The following ARHGAP42 variants were observed in gnomAD, a reference collection of about 807,000 sequenced individuals.
ARHGAP42 encodes Rho GTPase activating protein 42.
Under a neutral mutation model 125.0 loss-of-function variants are expected in ARHGAP42, and 63 were observed. The ratio of observed to expected loss-of-function variants is 0.50; its 90% confidence interval spans 0.41 to 0.62. The LOEUF (loss-of-function observed/expected upper bound fraction) is 0.62. Among genes scored for constraint, ARHGAP42 ranks in the 20% least tolerant of loss-of-function variants. The pLI is 0.00. For synonymous variants in ARHGAP42, 339 were observed against 351.0 expected (o/e 0.97, Z 0.38); for missense variants, 766 against 1,024.2 (o/e 0.75, Z 3.44).
At chr11:100,823,146 T>A (rs1240031255) in intron 3 of ARHGAP42, among the ~76,000 whole-genome samples, 1 of 152,154 alleles carries the variant, frequency 6.6e-6, no homozygotes, top group East Asian at 1.9e-4. Context: ...CTAGGTCAAA[T>A]TAAATTTAGA....
intron 1 of ARHGAP42, among the ~76,000 whole-genome samples, chr11:100,695,813 C>G (rs141342930): frequency 3.9e-5 from 6 of 152,240 alleles, no homozygotes; most frequent in African/African-American, 1.4e-4. Flanking sequence ...CAACCTTTTT[C>G]CTTTTTGCAG....
chr11:100,736,324 C>CG (rs1323214002), intron 1 of ARHGAP42, among the ~76,000 whole-genome samples: 1 of 152,118 alleles, frequency 6.6e-6, no homozygotes, highest in Non-Finnish European at 1.5e-5. Context: ...GGATGCATGC[C>CG]GGGGGCTTCC....
intron 16 of ARHGAP42, 151 bp from the exon 17 acceptor site, chr11:100,965,520 G>T: frequency 1.4e-6 from 1 of 699,242 alleles, no homozygotes; most frequent in Non-Finnish European, 2.4e-6. Context: ...ACTTCTGCAA[G>T]CCATAGGGAA....
At chr11:100,930,315 A>G (rs1295941220) in intron 6 of ARHGAP42, among the ~76,000 whole-genome samples, 1 of 152,200 alleles carries the variant, frequency 6.6e-6, no homozygotes, top group African/African-American at 2.4e-5. Context: ...GGAATTTTGT[A>G]GAGGATGAAA....
intron 3 of ARHGAP42, among the ~76,000 whole-genome samples, chr11:100,853,401 T>G (rs1310383291): frequency 6.6e-6 from 1 of 152,190 alleles, no homozygotes; most frequent in East Asian, 1.9e-4. Flanking sequence ...GTTTCCACAA[T>G]GCTTAAATGT....
At chr11:100,730,556 G>A (rs1293549252) in intron 1 of ARHGAP42, among the ~76,000 whole-genome samples, 2 of 152,112 alleles carry the variant, frequency 1.3e-5, no homozygotes, top group African/African-American at 4.8e-5. Context: ...CTTTCGCAAG[G>A]GCTATCAGAA....
chr11:100,875,763 G>GGGC (rs1382856084), intron 4 of ARHGAP42, among the ~76,000 whole-genome samples: 1 of 90,682 alleles, frequency 1.1e-5, no homozygotes, highest in East Asian at 3.4e-4. Flanking sequence ...CAGGGTGGCG[G>GGGC]GGGGTGACTG....
chr11:100,886,684 A>G (rs1441964389), intron 4 of ARHGAP42, among the ~76,000 whole-genome samples: 1 of 152,182 alleles, frequency 6.6e-6, no homozygotes, highest in Non-Finnish European at 1.5e-5. Flanking sequence ...GTGCAAGTTA[A>G]TCTTAAGAAA....
intron 3 of ARHGAP42, among the ~76,000 whole-genome samples, chr11:100,802,262 A>G (rs1863872939): frequency 6.6e-6 from 1 of 152,194 alleles, no homozygotes; most frequent in Admixed American, 6.5e-5. Context: ...CTGGAAAAGG[A>G]TGAAATGCTA....
rs183450751 is a variant in ARHGAP42 at position 100,806,841 on chromosome 11, A to G, written c.312+11675A>G. Among the ~76,000 whole-genome samples the G allele has an allele frequency of 5.2e-4, 32 of 61,494 alleles. No individual in the cohort carries two copies. The East Asian group carries it at 6.2e-3, about 12-fold the overall frequency. 40.3% of individuals were successfully genotyped at this position (61,494 alleles called of 152,430 possible). ...TTTTTATTTGTTTGTTTGTTTGTTTATTTATTTATTTATTTATTTATTTTT... is the reference window on the plus strand; with the variant it reads ...TTTTTATTTGTTTGTTTGTTTGTTTGTTTATTTATTTATTTATTTATTTTT... On this transcript the variant is annotated intron_variant, in intron 3 of 23. Coordinates refer to ENST00000298815, the MANE Select transcript of ARHGAP42 (RefSeq NM_152432.4).
At chr11:100,820,195 T>C (rs1019564382) in intron 3 of ARHGAP42, among the ~76,000 whole-genome samples, 2 of 152,178 alleles carry the variant, frequency 1.3e-5, no homozygotes, top group Non-Finnish European at 2.9e-5. Context: ...TTTTCTCTGT[T>C]TCATGACACC....
intron 5 of ARHGAP42, among the ~76,000 whole-genome samples, chr11:100,918,631 T>G (rs1405610209): frequency 1.3e-5 from 2 of 152,224 alleles, no homozygotes; most frequent in Admixed American, 1.3e-4. Flanking sequence ...TATGGTGAGC[T>G]TAAATACTAA....
intron 6 of ARHGAP42, among the ~76,000 whole-genome samples, chr11:100,931,877 C>T (rs913078309): frequency 6.6e-6 from 1 of 152,042 alleles, no homozygotes; most frequent in Non-Finnish European, 1.5e-5. Flanking sequence ...AATATAGCAT[C>T]ATTTTAAGAT....
intron 3 of ARHGAP42, among the ~76,000 whole-genome samples, chr11:100,833,701 G>A (rs1217211948): frequency 6.6e-6 from 1 of 152,110 alleles, no homozygotes; most frequent in African/African-American, 2.4e-5. Context: ...AGAGAGTTAG[G>A]AAGAGCCTGA....
rs540350004 is a variant in ARHGAP42, at chr11:100,899,340, T to TG, written c.385-14110dup. On this transcript the variant is annotated intron_variant, in intron 4 of 23. Transcript: ENST00000298815. ...TCTGTTGATTTGGGGTGGAGAGTTC[T>TG]GGAGATGTCTATTGGGTCTGCTTGG... 1.5e-4 allele frequency among the ~76,000 whole-genome samples: 23 copies of TG among 152,348 alleles called. No homozygotes were observed. The East Asian group carries it at 4.4e-3, about 29-fold the overall frequency.
At chr11:100,756,220 TA>T (rs1358894652) in intron 1 of ARHGAP42, among the ~76,000 whole-genome samples, 2 of 37,122 alleles carry the variant, frequency 5.4e-5, no homozygotes, top group African/African-American at 3.0e-4. Flanking sequence ...ACCTTGTCTC[TA>T]CAAAAAAAAA....
At chr11:100,881,671 A>G (rs625293) in intron 4 of ARHGAP42, among the ~76,000 whole-genome samples, 2,429 of 152,250 alleles carry the variant, frequency 0.016, 70 homozygotes, top group African/African-American at 0.055. Flanking sequence ...TTTTGGCACT[A>G]TGGTCACTTT....
At chr11:100,822,954 G>A (rs1864436926) in intron 3 of ARHGAP42, among the ~76,000 whole-genome samples, 1 of 152,080 alleles carries the variant, frequency 6.6e-6, no homozygotes, top group Non-Finnish European at 1.5e-5. Flanking sequence ...TTCAGAAGTG[G>A]AGTGTTTGCT....
chr11:100,735,963 T>G (rs573843450), intron 1 of ARHGAP42, among the ~76,000 whole-genome samples: 1 of 152,298 alleles, frequency 6.6e-6, no homozygotes, highest in African/African-American at 2.4e-5. Context: ...CGGCTATCTT[T>G]GTTTACCTAG....
Sources: gnomAD v4.1 joint callset for allele counts (sites outside exome capture counted in the v4.1 genomes callset) on GRCh38, gnomAD v4.1.1 for gene constraint, MANE v1.5 for transcripts, NCBI Gene and HGNC (gene_info 2026-07-23, HGNC 2026-07-21) for gene names.